IGFBPL1: variants seen among roughly 807,000 people sequenced by gnomAD.
IGFBPL1 encodes the protein insulin like growth factor binding protein like 1, also known as insulin-like growth factor-binding protein-like 1.
A neutral mutation model predicts 23.9 loss-of-function variants in IGFBPL1; 20 were observed. The ratio of observed to expected loss-of-function variants is 0.84; its 90% confidence interval spans 0.59 to 1.22. The LOEUF is 1.22. IGFBPL1 is among the 50% of genes most tolerant of loss of function. The pLI is 0.00. For missense variants in IGFBPL1, 436 were observed against 379.3 expected (o/e 1.15, Z -1.24); for synonymous variants, 184 against 171.8 (o/e 1.07, Z -0.56).
chr9:38,413,292 A>T lies in IGFBPL1; in HGVS notation c.632T>A (p.Ile211Lys). Reference sequence around the variant, plus strand: ...AGGGCCCCCTCGCACTTGGACAGCTATATTGACATGGTCCCCAGGCAGCTC... The same window carrying T: ...AGGGCCCCCTCGCACTTGGACAGCTTTATTGACATGGTCCCCAGGCAGCTC... ...LEELPGDHVN[I>K]AVQVRGGPSD... The change falls in exon 3 of 5, where the codon ATA (isoleucine) becomes AAA (lysine). Residue 211 changes from isoleucine to lysine, a missense_variant. Physicochemically the swap from Ile to Lys is moderately radical, Grantham distance 102. Transcript: ENST00000377694. 1 of 1,614,136 alleles carries T rather than the reference A, an allele frequency of 6.2e-7. No individual in the cohort carries two copies. Among genetic ancestry groups the T allele is most frequent in the Non-Finnish European group, 8.5e-7 (1 of 1,180,002 alleles).
Position 38,423,980 on chromosome 9 carries a change from C to A in IGFBPL1, c.445G>T (p.Gly149Cys), listed in dbSNP as rs765226034. 6 of 1,404,624 alleles carry A rather than the reference C, an allele frequency of 4.3e-6. No homozygotes were observed. The highest frequency in any genetic ancestry group is 3.1e-5 in the South Asian group (2 of 64,428). The allele number at this position is 1,404,624 out of a possible 1,614,324, so 87.0% of individuals were successfully genotyped here. A position where few individuals can be genotyped will look rare whatever the true frequency, so the allele number is the denominator to read the frequency against. Residue 149 changes from glycine to cysteine, a missense_variant, in exon 1 of 5, where the codon GGC becomes TGC. Transcript: ENST00000377694. Reference protein sequence around the residue: ...HPGHLHKARDGPCEFAPVVVV... With the variant: ...HPGHLHKARDCPCEFAPVVVV... ...CCTGACTCACCGAACTCGCAAGGGC[C>A]GTCGCGCGCCTTGTGCAGGTGACCG...
At position 38,407,544 on chromosome 9, in the gene IGFBPL1, G is replaced by C. The variant is rs1042803335; in HGVS notation, c.*1683C>G. Among the ~76,000 whole-genome samples, 1 of 152,202 alleles carries C rather than the reference G, an allele frequency of 6.6e-6. No individual in the cohort carries two copies. Among genetic ancestry groups the C allele is most frequent in the Non-Finnish European group, 1.5e-5 (1 of 68,044 alleles). On this transcript the variant is annotated 3_prime_UTR_variant, in exon 5 of 5. Transcript: ENST00000377694. ...CCAAAATGTAATGCACAATGTGAGCGGTGTGAAAGTGTGCCTTAAAAGTTG... is the reference window on the plus strand; with the variant it reads ...CCAAAATGTAATGCACAATGTGAGCCGTGTGAAAGTGTGCCTTAAAAGTTG...
intron 1 of IGFBPL1, among the ~76,000 whole-genome samples, chr9:38,414,850 G>A (rs1028958884): frequency 2.6e-5 from 4 of 152,176 alleles, no homozygotes; most frequent in Non-Finnish European, 4.4e-5. Context: ...AGAACATGAC[G>A]GAGAGGAGAG....
Position 38,424,156 on chromosome 9 carries a change from AC to A in IGFBPL1, c.268del (p.Val90TyrfsTer89). ...TGCCCCAGCGGCCTGGCTCGCGCAT[AC>A]CAGGCCGGGGCCACAGCGCCCGCCG... ...RAGGRCGPGL[V>X]CASQAAGAAP... On this transcript the variant is annotated frameshift_variant, in exon 1 of 5. Transcript: ENST00000377694. LOFTEE classifies it high-confidence loss of function. 1 of 1,206,828 alleles carries A rather than the reference AC, an allele frequency of 8.3e-7. No individual in the cohort carries two copies. 74.8% of individuals were successfully genotyped at this position (1,206,828 alleles called of 1,614,324 possible).
chr9:38,424,157 C>T lies in IGFBPL1; in HGVS notation c.268G>A (p.Val90Ile), dbSNP rs1587419014. Reference protein sequence around the residue: ...RAGGRCGPGLVCASQAAGAAP... With the variant: ...RAGGRCGPGLICASQAAGAAP... ...GCCCCAGCGGCCTGGCTCGCGCATA[C>T]CAGGCCGGGGCCACAGCGCCCGCCG... Residue 90 changes from valine to isoleucine, a missense_variant, in exon 1 of 5, where the codon GTA (valine) becomes ATA (isoleucine). Physicochemically the swap from Val to Ile is conservative, Grantham distance 29 (BLOSUM62 3). Coordinates refer to ENST00000377694, the MANE Select transcript of IGFBPL1 (RefSeq NM_001007563.3). 1.7e-6 allele frequency: 2 copies of T among 1,206,656 alleles called. No homozygotes were observed. Among genetic ancestry groups the T allele is most frequent in the South Asian group, 7.2e-5 (2 of 27,838 alleles). The allele number at this position is 1,206,656 out of a possible 1,614,324, so 74.7% of individuals were successfully genotyped here.
At chr9:38,418,823 C>T (rs1050297429) in intron 1 of IGFBPL1, among the ~76,000 whole-genome samples, 1 of 152,078 alleles carries the variant, frequency 6.6e-6, no homozygotes, top group African/African-American at 2.4e-5. Context: ...AGACAGTCAC[C>T]CAGATGCACA....
At chr9:38,415,452 A>G (rs1821586500) in intron 1 of IGFBPL1, among the ~76,000 whole-genome samples, 1 of 152,158 alleles carries the variant, frequency 6.6e-6, no homozygotes, top group African/African-American at 2.4e-5. Flanking sequence ...ATCACACCCC[A>G]ATGCTCAGGA....
In IGFBPL1 at chr9:38,424,451, C is replaced by T. The variant is rs1471977630; in HGVS notation, c.-27G>A. 1.0e-5 allele frequency: 5 copies of T among 489,968 alleles called. No homozygotes were observed. Among genetic ancestry groups the T allele is most frequent in the Non-Finnish European group, 1.8e-5 (5 of 274,776 alleles). The allele number at this position is 489,968 out of a possible 1,614,324, so 30.4% of individuals were successfully genotyped here. ...GCTTGCTCCGGGACAGCGGCGGCGC[C>T]TCTGCTTCGCGCTCCGCTCCGCGCC... On this transcript the variant is annotated 5_prime_UTR_variant, in exon 1 of 5. Coordinates refer to ENST00000377694, the MANE Select transcript of IGFBPL1 (RefSeq NM_001007563.3).
At chr9:38,415,734 A>T (rs994781120) in intron 1 of IGFBPL1, among the ~76,000 whole-genome samples, 7 of 152,170 alleles carry the variant, frequency 4.6e-5, no homozygotes, top group African/African-American at 1.7e-4. Flanking sequence ...ACTGGTAAGA[A>T]GGTGCATCCT....
Position 38,414,360 on chromosome 9 carries a change from C to T in IGFBPL1, c.461-157G>A, listed in dbSNP as rs551547452. On this transcript the variant is annotated intron_variant, in intron 1 of 4. Transcript: ENST00000377694. ...AGGAATCCTAAAAGAGAGATTTCCT[C>T]AGACCTGGAAAGCTGCCGACCGATC... Among the ~76,000 whole-genome samples, 5 of 152,292 alleles carry T rather than the reference C, an allele frequency of 3.3e-5. No individual in the cohort carries two copies. In the South Asian group the frequency reaches 1.0e-3, roughly 32 times the overall value.
chr9:38,422,203 C>A (rs1009076052), intron 1 of IGFBPL1, among the ~76,000 whole-genome samples: 1 of 152,160 alleles, frequency 6.6e-6, no homozygotes, highest in Non-Finnish European at 1.5e-5. Context: ...GCTGGTCATC[C>A]TTTACTGGTC....
At chr9:38,411,863 T>C (rs1161854264) in intron 3 of IGFBPL1, among the ~76,000 whole-genome samples, 1 of 152,132 alleles carries the variant, frequency 6.6e-6, no homozygotes, top group Admixed American at 6.5e-5. Context: ...CACCTCAAGT[T>C]AAAAGAAGAA....
Position 38,423,988 on chromosome 9 carries a change from G to C in IGFBPL1, c.437C>G (p.Ala146Gly). Residue 146 changes from alanine to glycine, a missense_variant, in exon 1 of 5, where the codon GCG (alanine) becomes GGG (glycine). Ala to Gly is a moderately conservative substitution (Grantham distance 60). Coordinates refer to ENST00000377694, the MANE Select transcript of IGFBPL1 (RefSeq NM_001007563.3). Reference protein sequence around the residue: ...PRAHPGHLHKARDGPCEFAPV... With the variant: ...PRAHPGHLHKGRDGPCEFAPV... Reference sequence around the variant, plus strand: ...ACCGAACTCGCAAGGGCCGTCGCGCGCCTTGTGCAGGTGACCGGGGTGCGC... The same window carrying C: ...ACCGAACTCGCAAGGGCCGTCGCGCCCCTTGTGCAGGTGACCGGGGTGCGC... 1 of 1,407,610 alleles carries C rather than the reference G, an allele frequency of 7.1e-7. No individual in the cohort carries two copies. Among genetic ancestry groups the C allele is most frequent in the Non-Finnish European group, 9.2e-7 (1 of 1,090,424 alleles). 87.2% of individuals were successfully genotyped at this position (1,407,610 alleles called of 1,614,324 possible).
intron 1 of IGFBPL1, among the ~76,000 whole-genome samples, chr9:38,423,653 C>T (rs918034493): frequency 1.3e-4 from 20 of 152,128 alleles, no homozygotes; most frequent in African/African-American, 4.6e-4. Flanking sequence ...CTCGGATCCC[C>T]CTCCTTAACT....
intron 1 of IGFBPL1, among the ~76,000 whole-genome samples, chr9:38,418,213 G>A (rs532292049): frequency 3.3e-5 from 5 of 152,310 alleles, no homozygotes; most frequent in Non-Finnish European, 7.4e-5. Context: ...AGTGCTCAAC[G>A]TCATGGCTGC....
chr9:38,409,993 CCAGAAGTAAGGCCTTGCACA>C (rs1821488250), intron 4 of IGFBPL1, among the ~76,000 whole-genome samples: 1 of 152,152 alleles, frequency 6.6e-6, no homozygotes, highest in South Asian at 2.1e-4. Context: ...CCCCTACAGA[CCAGAAGTAAGGCCTTGCACA>C]CAGAAGGTGT....
In IGFBPL1 at chr9:38,424,044, C is replaced by A; in HGVS notation, c.381G>T (p.Ala127=). 1 of 1,397,414 alleles carries A rather than the reference C, an allele frequency of 7.2e-7. No individual in the cohort carries two copies. 86.6% of individuals were successfully genotyped at this position (1,397,414 alleles called of 1,614,324 possible). The change falls in exon 1 of 5, where the codon GCG becomes GCT. Residue 127 remains alanine, a synonymous_variant. Coordinates refer to ENST00000377694, the MANE Select transcript of IGFBPL1 (RefSeq NM_001007563.3). The part of the protein sequence containing the change: ...SDGRSYPSVC[A]LRLRARHTPR... ...GCGTGTGCCGAGCGCGCAGGCGCAG[C>A]GCGCAGACGCTGGGGTACGAGCGAC...
rs35229194 is a variant in IGFBPL1 at position 38,408,253 on chromosome 9, C to CAAAAAAAAA, written c.*965_*973dup. ...GCAACATAGGGAGACCCTGTCTCTA[C>CAAAAAAAAA]AAAAAAAAAAAAAAAAAAAAAAAAA... On this transcript the variant is annotated 3_prime_UTR_variant, in exon 5 of 5. Coordinates refer to ENST00000377694, the MANE Select transcript of IGFBPL1 (RefSeq NM_001007563.3). Among the ~76,000 whole-genome samples the CAAAAAAAAA allele has an allele frequency of 3.4e-4, 24 of 70,182 alleles. 3 individuals carry two copies. Among genetic ancestry groups the CAAAAAAAAA allele is most frequent in the South Asian group, 9.8e-4 (2 of 2,034 alleles). The allele number at this position is 70,182 out of a possible 152,430, so 46.0% of individuals were successfully genotyped here.
At chr9:38,410,482 C>CA (rs1345601056) in intron 4 of IGFBPL1, among the ~76,000 whole-genome samples, 6,782 of 80,122 alleles carry the variant, frequency 0.085, 187 homozygotes, top group Middle Eastern at 0.16. Flanking sequence ...GACTCTGTCT[C>CA]AAAAAAAAAA....
Sources: gnomAD v4.1 joint callset for allele counts (sites outside exome capture counted in the v4.1 genomes callset) on GRCh38, gnomAD v4.1.1 for gene constraint, MANE v1.5 for transcripts, NCBI Gene and HGNC (gene_info 2026-07-23, HGNC 2026-07-21) for gene names.